AKT3: variants seen among roughly 807,000 people sequenced by gnomAD.
AKT3 encodes AKT serine/threonine kinase 3.
In AKT3, 15 loss-of-function variants were observed where a neutral mutation model predicts 65.3. That is an observed-to-expected ratio of 0.23 (90% CI 0.15 to 0.35). The LOEUF is 0.35. AKT3 is among the 10% of genes least tolerant of loss of function. AKT3 has a pLI of 1.00. For missense variants in AKT3, 243 were observed against 576.5 expected, an observed-to-expected ratio of 0.42 and a Z score of 5.92; for synonymous variants, 206 against 183.8, an observed-to-expected ratio of 1.12 and a Z score of -0.98.
intron 12 of AKT3, among the ~76,000 whole-genome samples, chr1:243,536,952 C>T (rs1671979056): frequency 6.6e-6 from 1 of 152,146 alleles, no homozygotes; most frequent in African/African-American, 2.4e-5. Context: ...CTGTTCTACT[C>T]CTCTGGCCTT....
intron 2 of AKT3, among the ~76,000 whole-genome samples, chr1:243,820,996 G>A (rs1693824741): frequency 6.6e-6 from 1 of 152,112 alleles, no homozygotes; most frequent in Admixed American, 6.5e-5. Flanking sequence ...ATTCTCCAAG[G>A]TCAAAACTCA....
At chr1:243,664,354 G>A (rs1211694035) in intron 4 of AKT3, among the ~76,000 whole-genome samples, 2 of 151,172 alleles carry the variant, frequency 1.3e-5, no homozygotes, top group African/African-American at 2.4e-5. Context: ...CCGCCACCAC[G>A]CCTGGCTGAT....
intron 3 of AKT3, among the ~76,000 whole-genome samples, chr1:243,689,853 G>A (rs1684576699): frequency 6.6e-6 from 1 of 152,062 alleles, no homozygotes; most frequent in Non-Finnish European, 1.5e-5. Flanking sequence ...GCTGAGGTGG[G>A]AGGATCACTT....
chr1:243,641,323 T>C (rs999041529), intron 5 of AKT3, among the ~76,000 whole-genome samples: 3 of 150,344 alleles, frequency 2.0e-5, no homozygotes, highest in Non-Finnish European at 4.4e-5. Context: ...TACACACATA[T>C]ATATATATAT....
rs1272390704 is a variant in AKT3, at chr1:243,662,106, T to C, written c.284+2666A>G. 5.3e-5 allele frequency among the ~76,000 whole-genome samples: 8 copies of C among 151,696 alleles called. No homozygotes were observed. The South Asian group carries it at 1.5e-3, about 28-fold the overall frequency. ...AATAGGAACACTTTTACACTGTTGG[T>C]GGGACTGTAAACTAGTTCAACCATT... On this transcript the variant is annotated intron_variant, in intron 4 of 13. Coordinates refer to ENST00000673466, the MANE Select transcript of AKT3 (RefSeq NM_005465.7).
chr1:243,706,599 T>C (rs1685814753), intron 2 of AKT3, among the ~76,000 whole-genome samples: 1 of 152,204 alleles, frequency 6.6e-6, no homozygotes, highest in African/African-American at 2.4e-5. Context: ...AGCTCCACTA[T>C]TCTGAGGATG....
At chr1:243,565,219 T>C (rs191762286) in intron 9 of AKT3, among the ~76,000 whole-genome samples, 12 of 152,284 alleles carry the variant, frequency 7.9e-5, no homozygotes, top group Admixed American at 7.8e-4. Context: ...TAAAATATAC[T>C]GCTGAACCTT....
At position 243,661,046 on chromosome 1, in the gene AKT3, A is replaced by T. The variant is rs553873508; in HGVS notation, c.284+3726T>A. Among the ~76,000 whole-genome samples, 806 of 151,986 alleles carry T rather than the reference A, an allele frequency of 5.3e-3. 7 individuals are homozygous for T. The highest frequency in any genetic ancestry group is 0.019 in the African/African-American group (771 of 41,454). On this transcript the variant is annotated intron_variant, in intron 4 of 13. Transcript: ENST00000673466. Reference sequence around the variant, plus strand: ...AGGAGAACTACAAAACACTGCTCAAAGAAATAAAAGAGGATACAAACAAAT... The same window carrying T: ...AGGAGAACTACAAAACACTGCTCAATGAAATAAAAGAGGATACAAACAAAT...
chr1:243,780,717 C>T (rs1378375336), intron 2 of AKT3, among the ~76,000 whole-genome samples: 1 of 151,680 alleles, frequency 6.6e-6, no homozygotes, highest in Non-Finnish European at 1.5e-5. Context: ...AGCATATAAA[C>T]TTTGTAATTG....
At chr1:243,598,571 C>T (rs931887689) in intron 8 of AKT3, among the ~76,000 whole-genome samples, 1 of 152,134 alleles carries the variant, frequency 6.6e-6, no homozygotes, top group Non-Finnish European at 1.5e-5. Flanking sequence ...TGTACTCCCA[C>T]GGTTTAGTAA....
intron 12 of AKT3, among the ~76,000 whole-genome samples, chr1:243,539,147 A>G (rs9428580): frequency 0.062 from 9,484 of 152,112 alleles, 976 homozygotes; most frequent in African/African-American, 0.22. Context: ...ATTGAATTGC[A>G]TGGGCCCACG....
chr1:243,740,499 T>A (rs993771693), intron 2 of AKT3, among the ~76,000 whole-genome samples: 5 of 152,210 alleles, frequency 3.3e-5, no homozygotes, highest in Admixed American at 1.3e-4. Flanking sequence ...ACTAGTAGGC[T>A]GCAGAAAATG....
rs1180401247 is a variant in AKT3 at position 243,742,853 on chromosome 1, CTTTT to C, written c.47-47141_47-47138del. ...AAATACTTCAGGGGCTCCAGGGTAT[CTTTT>C]TTTTTTTTTAATGTGTAGACCATTT... On this transcript the variant is annotated intron_variant, in intron 2 of 13. Coordinates refer to ENST00000673466, the MANE Select transcript of AKT3 (RefSeq NM_005465.7). Among the ~76,000 whole-genome samples the C allele has an allele frequency of 1.7e-4, 25 of 142,872 alleles. No individual in the cohort carries two copies. In the Admixed American group the frequency reaches 1.8e-3, roughly 10 times the overall value. 93.7% of individuals were successfully genotyped at this position (142,872 alleles called of 152,430 possible). A position where few individuals can be genotyped will look rare whatever the true frequency, so the allele number is the denominator to read the frequency against.
At chr1:243,603,819 C>A (rs1677193666) in intron 8 of AKT3, among the ~76,000 whole-genome samples, 1 of 151,868 alleles carries the variant, frequency 6.6e-6, no homozygotes, top group Admixed American at 6.6e-5. Flanking sequence ...CATATTTATT[C>A]ATTAAATCCT....
chr1:243,658,579 A>C (rs537055661), intron 4 of AKT3, among the ~76,000 whole-genome samples: 2 of 152,326 alleles, frequency 1.3e-5, no homozygotes, highest in South Asian at 4.1e-4. Context: ...AAAAACTTAA[A>C]AGTAGAACTA....
intron 12 of AKT3, among the ~76,000 whole-genome samples, chr1:243,524,526 T>C (rs938065140): frequency 3.9e-5 from 6 of 152,246 alleles, no homozygotes; most frequent in Admixed American, 2.0e-4. Flanking sequence ...GGAACAGCCA[T>C]GAATTATGTT....
At chr1:243,838,584 A>G (rs1044758037) in intron 2 of AKT3, among the ~76,000 whole-genome samples, 1 of 152,316 alleles carries the variant, frequency 6.6e-6, no homozygotes, top group Non-Finnish European at 1.5e-5. Context: ...TTCTGTAACA[A>G]CTTGTTAAAT....
intron 5 of AKT3, among the ~76,000 whole-genome samples, chr1:243,642,477 T>A (rs542428659): frequency 3.7e-4 from 57 of 152,030 alleles, no homozygotes; most frequent in Non-Finnish European, 6.9e-4. Context: ...GCCTGGTTAA[T>A]TTTTTGTATT....
intron 3 of AKT3, among the ~76,000 whole-genome samples, chr1:243,679,827 T>C (rs570242533): frequency 1.8e-4 from 27 of 152,286 alleles, no homozygotes; most frequent in Non-Finnish European, 3.1e-4. Context: ...AGAAGAGAGA[T>C]GGAACTTCCT....
Sources: gnomAD v4.1 joint callset for allele counts (sites outside exome capture counted in the v4.1 genomes callset) on GRCh38, gnomAD v4.1.1 for gene constraint, MANE v1.5 for transcripts, NCBI Gene and HGNC (gene_info 2026-07-23, HGNC 2026-07-21) for gene names.